RGS6: variants seen among roughly 807,000 people sequenced by gnomAD.
RGS6 encodes regulator of G protein signaling 6, also known as regulator of G-protein signaling 6.
Under a neutral mutation model 78.5 loss-of-function variants are expected in RGS6, and 30 were observed. The observed-to-expected ratio is 0.38, with a 90% CI of 0.29 to 0.52. The LOEUF is 0.52. Among genes scored for constraint, RGS6 ranks in the 20% least tolerant of loss-of-function variants. The probability of loss-of-function intolerance (pLI) is 0.85; values close to 1 mark genes in which losing one functional copy is unlikely to be tolerated. For missense variants in RGS6, 495 were observed against 609.7 expected, an observed-to-expected ratio of 0.81 and a Z score of 1.98; for synonymous variants, 206 against 206.0, an observed-to-expected ratio of 1.00 and a Z score of 0.00.
intron 2 of RGS6, among the ~76,000 whole-genome samples, chr14:72,288,566 G>A (rs2063008672): frequency 6.6e-6 from 1 of 152,204 alleles, no homozygotes; most frequent in African/African-American, 2.4e-5. Flanking sequence ...AGCACAGGCT[G>A]GAGGGAGGTC....
chr14:72,272,453 G>C (rs79095935), intron 2 of RGS6, among the ~76,000 whole-genome samples: 1,898 of 152,272 alleles, frequency 0.012, 44 homozygotes, highest in African/African-American at 0.043. Flanking sequence ...CAAGGTTGTG[G>C]TTAGATGTTC....
intron 3 of RGS6, among the ~76,000 whole-genome samples, chr14:72,435,650 G>A (rs568367666): frequency 2.3e-4 from 35 of 152,134 alleles, no homozygotes; most frequent in African/African-American, 8.2e-4. Context: ...CTAGCTTCTC[G>A]AGGTCGCCTG....
chr14:72,153,734 A>G (rs1456724636), intron 2 of RGS6, among the ~76,000 whole-genome samples: 3 of 152,204 alleles, frequency 2.0e-5, no homozygotes, highest in Admixed American at 1.3e-4. Context: ...ACCAGGGAGT[A>G]GGTACAAAGA....
intron 14 of RGS6, among the ~76,000 whole-genome samples, chr14:72,512,756 A>G (rs2096894195): frequency 6.6e-6 from 1 of 152,246 alleles, no homozygotes; most frequent in Non-Finnish European, 1.5e-5. Context: ...CGTAAATCAC[A>G]TAACTGTAGG....
chr14:72,204,168 A>G (rs1555542153), intron 2 of RGS6, among the ~76,000 whole-genome samples: 1 of 152,172 alleles, frequency 6.6e-6, no homozygotes, highest in Non-Finnish European at 1.5e-5. Flanking sequence ...CATTAAGTAT[A>G]TTCACTGTGT....
At chr14:71,976,531 G>C (rs1179741785) in intron 2 of RGS6, among the ~76,000 whole-genome samples, 1 of 151,402 alleles carries the variant, frequency 6.6e-6, no homozygotes, top group Non-Finnish European at 1.5e-5. Context: ...TTGTTCTTGC[G>C]ATAGTTTACT....
chr14:71,990,093 A>T (rs867780328), intron 2 of RGS6, among the ~76,000 whole-genome samples: 1 of 152,136 alleles, frequency 6.6e-6, no homozygotes, highest in Non-Finnish European at 1.5e-5. Context: ...GAGACACCAT[A>T]CCCAAAGGGC....
chr14:72,523,771 C>T (rs1031329042), intron 15 of RGS6, among the ~76,000 whole-genome samples: 1 of 152,146 alleles, frequency 6.6e-6, no homozygotes, highest in African/African-American at 2.4e-5. Context: ...CAGCTGTTTG[C>T]TGTGTTGTTC....
At chr14:72,062,367 G>A (rs1227879482) in intron 2 of RGS6, among the ~76,000 whole-genome samples, 1 of 152,152 alleles carries the variant, frequency 6.6e-6, no homozygotes, top group African/African-American at 2.4e-5. Flanking sequence ...ACAGAACCAG[G>A]GCCTGCCCTG....
At chr14:72,009,244 G>A (rs1297702430) in intron 2 of RGS6, among the ~76,000 whole-genome samples, 1 of 152,126 alleles carries the variant, frequency 6.6e-6, no homozygotes, top group African/African-American at 2.4e-5. Context: ...CTAGATACTC[G>A]GGAAGCTGAA....
At chr14:72,622,664 AC>A in the RGS6 span, among the ~76,000 whole-genome samples, 4 of 152,086 alleles carry the variant, frequency 2.6e-5, no homozygotes, top group East Asian at 5.8e-4. Flanking sequence ...CTTCTCTTCC[AC>A]CACCAAGAGC....
chr14:72,383,213 T>TATATACAC lies in RGS6; in HGVS notation c.184+31020_184+31021insTATACACA, dbSNP rs1387301746. On this transcript the variant is annotated intron_variant, in intron 3 of 17. Coordinates refer to ENST00000553525, the MANE Select transcript of RGS6 (RefSeq NM_001204424.2). ...ATATATATATATATATATATATATA[T>TATATACAC]ACACACAAACACACTAGTATGTGTG... 4.6e-3 allele frequency among the ~76,000 whole-genome samples: 548 copies of TATATACAC among 118,282 alleles called. 12 individuals carry two copies. The highest frequency in any genetic ancestry group is 0.013 in the African/African-American group (428 of 31,868). 77.6% of individuals were successfully genotyped at this position (118,282 alleles called of 152,430 possible).
Position 72,562,510 on chromosome 14 carries a change from C to T in RGS6, c.*43C>T, listed in dbSNP as rs775364783. On this transcript the variant is annotated 3_prime_UTR_variant, in exon 18 of 18. Transcript: ENST00000553525. ...CCAGGGCCTGGGCCCGCGGACCCCA[C>T]AGGCAGGCGGCGGCGCTCCACATCT... 1 of 1,608,210 alleles carries T rather than the reference C, an allele frequency of 6.2e-7. No individual in the cohort carries two copies. Among genetic ancestry groups the T allele is most frequent in the East Asian group, 2.2e-5 (1 of 44,876 alleles).
intron 3 of RGS6, among the ~76,000 whole-genome samples, chr14:72,450,753 A>G (rs895242007): frequency 2.6e-5 from 4 of 152,224 alleles, no homozygotes; most frequent in Admixed American, 2.0e-4. Flanking sequence ...TCTTTAGAAC[A>G]GGAAGGAAAG....
the RGS6 span, among the ~76,000 whole-genome samples, chr14:72,582,231 T>C: frequency 6.6e-6 from 1 of 152,098 alleles, no homozygotes; most frequent in Non-Finnish European, 1.5e-5. Flanking sequence ...TGAGCTTCAG[T>C]GGAAACAAAC....
intron 2 of RGS6, among the ~76,000 whole-genome samples, chr14:72,195,758 A>G (rs1046131245): frequency 6.6e-6 from 1 of 152,222 alleles, no homozygotes; most frequent in Non-Finnish European, 1.5e-5. Flanking sequence ...TGGTGTGTAG[A>G]GTCACAGAAA....
chr14:72,160,282 C>T (rs1406640678), intron 2 of RGS6, among the ~76,000 whole-genome samples: 2 of 152,142 alleles, frequency 1.3e-5, no homozygotes, highest in South Asian at 2.1e-4. Context: ...GGCAGAACTA[C>T]AATTACTTCT....
the RGS6 span, among the ~76,000 whole-genome samples, chr14:72,622,816 C>T: frequency 6.6e-6 from 1 of 152,150 alleles, no homozygotes; most frequent in Non-Finnish European, 1.5e-5. Flanking sequence ...AAATCCCTGA[C>T]CATGTGAGAG....
intron 4 of RGS6, among the ~76,000 whole-genome samples, chr14:72,455,814 T>G (rs1190714248): frequency 6.6e-6 from 1 of 152,226 alleles, no homozygotes. Flanking sequence ...TCTACCTGTT[T>G]AGTTACATTT....
Sources: allele counts gnomAD v4.1 joint callset (sites outside exome capture counted in the v4.1 genomes callset), GRCh38; gene constraint gnomAD v4.1.1; transcripts MANE v1.5; gene names NCBI Gene and HGNC (gene_info 2026-07-23, HGNC 2026-07-21).